Variants in RBFOX2 observed in about 807,000 individuals in gnomAD.
RBFOX2 encodes RNA binding fox-1 homolog 2, also known as RNA binding protein fox-1 homolog 2.
RBFOX2 carries 10 observed loss-of-function variants against 49.1 expected under a neutral mutation model. The observed-to-expected ratio is 0.20, with a 90% CI of 0.13 to 0.35. The LOEUF (loss-of-function observed/expected upper bound fraction) is 0.35. Among genes scored for constraint, RBFOX2 ranks in the 10% least tolerant of loss-of-function variants. The pLI, the probability that RBFOX2 is intolerant of heterozygous loss-of-function variation, is 1.00. For missense variants in RBFOX2, 323 were observed against 486.9 expected, an observed-to-expected ratio of 0.66 and a Z score of 3.17; for synonymous variants, 183 against 187.4, an observed-to-expected ratio of 0.98 and a Z score of 0.19.
chr22:35,786,384 G>C (rs1336973165), intron 2 of RBFOX2, among the ~76,000 whole-genome samples: 1 of 152,172 alleles, frequency 6.6e-6, no homozygotes, highest in Non-Finnish European at 1.5e-5. Context: ...AAATTCTCAA[G>C]ACTTCTGATC....
chr22:35,785,324 C>G (rs1352439427), intron 2 of RBFOX2, among the ~76,000 whole-genome samples: 1 of 152,210 alleles, frequency 6.6e-6, no homozygotes, highest in Non-Finnish European at 1.5e-5. Flanking sequence ...AAGTATTCAT[C>G]TGGCAATCGA....
chr22:35,894,765 C>T (rs2047638558), intron 1 of RBFOX2, among the ~76,000 whole-genome samples: 1 of 152,068 alleles, frequency 6.6e-6, no homozygotes, highest in Admixed American at 6.5e-5. Context: ...GCTTTCCACT[C>T]CTTATATGTG....
chr22:35,973,800 T>C (rs1342798008), intron 1 of RBFOX2, among the ~76,000 whole-genome samples: 3 of 152,214 alleles, frequency 2.0e-5, no homozygotes. Context: ...TAATCTCATA[T>C]ATTAAGTAAC....
chr22:35,952,194 C>T (rs2055020572), intron 1 of RBFOX2, among the ~76,000 whole-genome samples: 1 of 152,210 alleles, frequency 6.6e-6, no homozygotes, highest in Non-Finnish European at 1.5e-5. Flanking sequence ...CAAGCAAGTC[C>T]TGTGACTCCA....
intron 1 of RBFOX2, among the ~76,000 whole-genome samples, chr22:35,854,393 T>C (rs2042284809): frequency 6.6e-6 from 1 of 152,074 alleles, no homozygotes; most frequent in Non-Finnish European, 1.5e-5. Flanking sequence ...GAGACCAGCC[T>C]GGTCAACATA....
chr22:35,888,912 T>C (rs567342029), intron 1 of RBFOX2, among the ~76,000 whole-genome samples: 1 of 152,162 alleles, frequency 6.6e-6, no homozygotes, highest in Admixed American at 6.5e-5. Flanking sequence ...CCCAGCACTC[T>C]GGGAGGCCAA....
intron 1 of RBFOX2, among the ~76,000 whole-genome samples, chr22:36,017,903 GCTT>G (rs1229982571): frequency 6.6e-6 from 1 of 152,148 alleles, no homozygotes; most frequent in Non-Finnish European, 1.5e-5. Context: ...TTCTACCCCA[GCTT>G]CTGTTTTCAG....
upstream of RBFOX2, among the ~76,000 whole-genome samples, chr22:35,940,575 C>A (rs749228629): frequency 4.8e-4 from 73 of 152,118 alleles, 1 homozygote; most frequent in South Asian, 2.1e-4. Context: ...CCCAGCAATT[C>A]CACACCTGGG....
At chr22:35,805,289 CAA>C (rs748086413) in intron 2 of RBFOX2, among the ~76,000 whole-genome samples, 8 of 37,914 alleles carry the variant, frequency 2.1e-4, no homozygotes, top group Non-Finnish European at 2.9e-4. Context: ...GACTCCGTCT[CAA>C]AAAAAAAAAA....
At chr22:36,024,073 T>C (rs1215549197) in intron 1 of RBFOX2, among the ~76,000 whole-genome samples, 1 of 152,210 alleles carries the variant, frequency 6.6e-6, no homozygotes, top group Non-Finnish European at 1.5e-5. Context: ...ACTTATTCTA[T>C]AAAAAGCGGT....
intron 1 of RBFOX2, among the ~76,000 whole-genome samples, chr22:35,933,494 T>G (rs1006171441): frequency 4.6e-5 from 7 of 152,216 alleles, no homozygotes; most frequent in Non-Finnish European, 7.4e-5. Flanking sequence ...CATCCCTTAC[T>G]TGGTTAGGCC....
At chr22:35,813,134 G>A (rs1952253809) in intron 1 of RBFOX2, among the ~76,000 whole-genome samples, 1 of 152,156 alleles carries the variant, frequency 6.6e-6, no homozygotes, top group East Asian at 1.9e-4. Context: ...TGTTAAAAAT[G>A]TAACAACAAT....
intron 1 of RBFOX2, among the ~76,000 whole-genome samples, chr22:35,856,468 G>A (rs761677803): frequency 2.1e-4 from 32 of 152,132 alleles, no homozygotes; most frequent in Non-Finnish European, 4.1e-4. Flanking sequence ...ATGCCTCAGG[G>A]TAGAATGCTT....
intron 1 of RBFOX2, among the ~76,000 whole-genome samples, chr22:35,977,171 T>A (rs1037794678): frequency 6.6e-6 from 1 of 152,054 alleles, no homozygotes; most frequent in Non-Finnish European, 1.5e-5. Flanking sequence ...TCTCATTTTT[T>A]AAAAAAACAA....
intron 1 of RBFOX2, among the ~76,000 whole-genome samples, chr22:35,846,391 C>T (rs1218747689): frequency 1.4e-5 from 2 of 147,716 alleles, no homozygotes; most frequent in Non-Finnish European, 3.0e-5. Context: ...CCAAGGTCAA[C>T]TTCCCATGAA....
At position 35,795,410 on chromosome 22, in the gene RBFOX2, T is replaced by C. The variant is rs192699362; in HGVS notation, c.253-13664A>G. On this transcript the variant is annotated intron_variant, in intron 2 of 11. Transcript: ENST00000405409. ...CAACAATACATAGTATGATAGACTG[T>C]GGCCCCCCTTCTTCCCATTATGTTC... Among the ~76,000 whole-genome samples, 279 of 152,200 alleles carry C rather than the reference T, an allele frequency of 1.8e-3. 1 individual carries two copies. The highest frequency in any genetic ancestry group is 6.0e-3 in the African/African-American group (250 of 41,538).
intron 1 of RBFOX2, among the ~76,000 whole-genome samples, chr22:35,970,525 C>G (rs1248279485): frequency 6.6e-6 from 1 of 151,318 alleles, no homozygotes; most frequent in Non-Finnish European, 1.5e-5. Flanking sequence ...ACCAGGCATG[C>G]TGGCATGTAC....
chr22:35,747,872 G>A (rs1204180088), intron 9 of RBFOX2: 2 of 151,952 alleles, frequency 1.3e-5, no homozygotes, highest in Admixed American at 6.6e-5. Context: ...TCAAATGTTC[G>A]ATTTTTCTAA....
chr22:35,877,013 A>ACAAGAG, intron 1 of RBFOX2, among the ~76,000 whole-genome samples: 1 of 152,218 alleles, frequency 6.6e-6, no homozygotes, highest in Admixed American at 6.5e-5. Context: ...ACTTCTGTAG[A>ACAAGAG]TTTAGAGGAA....
Sources: allele counts gnomAD v4.1 joint callset (sites outside exome capture counted in the v4.1 genomes callset), GRCh38; gene constraint gnomAD v4.1.1; transcripts MANE v1.5; gene names NCBI Gene and HGNC (gene_info 2026-07-23, HGNC 2026-07-21).